Variants in RBFOX1 observed in about 807,000 individuals in gnomAD.
RBFOX1 encodes RNA binding fox-1 homolog 1.
Under a neutral mutation model 57.7 loss-of-function variants are expected in RBFOX1, and 8 were observed. That is an observed-to-expected ratio of 0.14 (90% CI 0.08 to 0.25). The LOEUF is 0.25. Ranked by LOEUF, RBFOX1 falls within the 10% of genes least tolerant of loss-of-function variation. The pLI, the probability that RBFOX1 is intolerant of heterozygous loss-of-function variation, is 1.00. For synonymous variants in RBFOX1, 326 were observed against 222.4 expected (o/e 1.47, Z -4.15); for missense variants, 611 against 548.5 (o/e 1.11, Z -1.14).
intron 5 of RBFOX1, among the ~76,000 whole-genome samples, chr16:7,568,162 A>C (rs2092330588): frequency 6.6e-6 from 1 of 152,164 alleles, no homozygotes; most frequent in Non-Finnish European, 1.5e-5. Context: ...AGTAAAAATA[A>C]GTTTATTAGA....
At chr16:5,755,382 T>C (rs551731664) in intron 3 of RBFOX1, among the ~76,000 whole-genome samples, 5 of 152,150 alleles carry the variant, frequency 3.3e-5, no homozygotes, top group African/African-American at 1.2e-4. Flanking sequence ...GAGGGACAGA[T>C]TGGGTGAGGC....
intron 3 of RBFOX1, among the ~76,000 whole-genome samples, chr16:6,770,844 G>C (rs6500822): frequency 0.13 from 19,315 of 152,094 alleles, 2,685 homozygotes; most frequent in African/African-American, 0.34. Context: ...TTTCTAAATA[G>C]TAGGGCTGAA....
intron 2 of RBFOX1, among the ~76,000 whole-genome samples, chr16:6,341,151 C>G (rs1434757276): frequency 1.3e-5 from 2 of 152,186 alleles, no homozygotes; most frequent in East Asian, 1.9e-4. Flanking sequence ...TAACATGGGT[C>G]TTACTGAGCT....
chr16:6,604,773 A>G (rs1486264227), intron 2 of RBFOX1, among the ~76,000 whole-genome samples: 1 of 152,140 alleles, frequency 6.6e-6, no homozygotes, highest in Non-Finnish European at 1.5e-5. Flanking sequence ...AAGATTCTAT[A>G]ATTCTTTCTT....
chr16:5,472,244 C>A (rs2069162621), intron 2 of RBFOX1, among the ~76,000 whole-genome samples: 5 of 152,152 alleles, frequency 3.3e-5, no homozygotes, highest in Admixed American at 3.3e-4. Flanking sequence ...GAGCTTCCAC[C>A]CACGAGGCAT....
intron 3 of RBFOX1, among the ~76,000 whole-genome samples, chr16:6,858,177 C>G (rs1327490088): frequency 1.3e-5 from 2 of 152,182 alleles, no homozygotes; most frequent in Non-Finnish European, 2.9e-5. Context: ...AGAAATAGCT[C>G]ACTCATAAGT....
Position 6,373,448 on chromosome 16 carries a change from G to C in RBFOX1, c.-64+56391G>C, listed in dbSNP as rs186133169. ...TGGGTGGAAGTATAACTGGATGGGAGGATGGTTGGTTAGGATCTTTGGGTA... is the reference window on the plus strand; with the variant it reads ...TGGGTGGAAGTATAACTGGATGGGACGATGGTTGGTTAGGATCTTTGGGTA... On this transcript the variant is annotated intron_variant, in intron 2 of 15. Coordinates refer to ENST00000550418, the MANE Select transcript of RBFOX1 (RefSeq NM_018723.4). Among the ~76,000 whole-genome samples the C allele has an allele frequency of 2.8e-4, 42 of 152,128 alleles. No individual in the cohort carries two copies. In the East Asian group the frequency reaches 7.2e-3, roughly 26 times the overall value.
intron 3 of RBFOX1, among the ~76,000 whole-genome samples, chr16:6,667,805 C>A (rs895650399): frequency 6.6e-6 from 1 of 151,994 alleles, no homozygotes; most frequent in South Asian, 2.1e-4. Context: ...AGAAGGATCT[C>A]TGGAGCCCAG....
At chr16:6,205,364 A>C (rs1035399019) in intron 1 of RBFOX1, among the ~76,000 whole-genome samples, 1 of 152,224 alleles carries the variant, frequency 6.6e-6, no homozygotes, top group Non-Finnish European at 1.5e-5. Flanking sequence ...ATCAAAGCTG[A>C]TAAGTCACCT....
chr16:6,968,948 G>C (rs938199504), intron 3 of RBFOX1, among the ~76,000 whole-genome samples: 14 of 151,948 alleles, frequency 9.2e-5, no homozygotes, highest in African/African-American at 2.2e-4. Context: ...ACAGTGACCA[G>C]ATTAGTGGGT....
intron 4 of RBFOX1, among the ~76,000 whole-genome samples, chr16:7,174,626 C>G (rs2081306525): frequency 1.3e-5 from 2 of 151,984 alleles, no homozygotes; most frequent in South Asian, 4.2e-4. Flanking sequence ...ACTAAAAATA[C>G]AAAATTAGCC....
At chr16:5,890,598 G>A (rs1031523344) in intron 4 of RBFOX1, among the ~76,000 whole-genome samples, 3 of 149,224 alleles carry the variant, frequency 2.0e-5, no homozygotes, top group Non-Finnish European at 4.4e-5. Flanking sequence ...TCCAGAGGCT[G>A]AAGCAGGAGA....
intron 1 of RBFOX1, among the ~76,000 whole-genome samples, chr16:6,163,247 A>C (rs1417646739): frequency 6.6e-6 from 1 of 152,146 alleles, no homozygotes; most frequent in African/African-American, 2.4e-5. Flanking sequence ...ATACAAATAG[A>C]GTGTTTCATA....
chr16:5,414,708 T>C (rs2067115654), intron 1 of RBFOX1, among the ~76,000 whole-genome samples: 1 of 152,142 alleles, frequency 6.6e-6, no homozygotes, highest in African/African-American at 2.4e-5. Context: ...CAAAATGACC[T>C]CTGGCCACTA....
At chr16:7,591,890 C>A (rs1347496955) in intron 7 of RBFOX1, among the ~76,000 whole-genome samples, 1 of 152,170 alleles carries the variant, frequency 6.6e-6, no homozygotes, top group Admixed American at 6.5e-5. Flanking sequence ...TCAGAAAAAA[C>A]AACCTTAGCA....
chr16:7,671,097 CAAGTA>C (rs1297621022), intron 13 of RBFOX1, among the ~76,000 whole-genome samples: 37 of 152,132 alleles, frequency 2.4e-4, no homozygotes, highest in African/African-American at 8.7e-4. Flanking sequence ...ATTAATTTAA[CAAGTA>C]AAGGCATTTA....
intron 4 of RBFOX1, among the ~76,000 whole-genome samples, chr16:5,998,508 T>G (rs1480890089): frequency 2.6e-5 from 4 of 152,180 alleles, no homozygotes; most frequent in African/African-American, 9.7e-5. Flanking sequence ...TAGGGTGTTT[T>G]CAACAAGATG....
chr16:7,172,273 C>CA (rs1489365630), intron 4 of RBFOX1, among the ~76,000 whole-genome samples: 4 of 152,060 alleles, frequency 2.6e-5, no homozygotes, highest in South Asian at 2.1e-4. Flanking sequence ...CAAACCCCAT[C>CA]AAAAAAACCA....
At chr16:6,228,109 G>A (rs1244802891) in intron 1 of RBFOX1, among the ~76,000 whole-genome samples, 2 of 152,052 alleles carry the variant, frequency 1.3e-5, no homozygotes, top group East Asian at 1.9e-4. Context: ...TCAGGAGTTC[G>A]AGACCAGCCT....
Sources: allele counts gnomAD v4.1 joint callset (sites outside exome capture counted in the v4.1 genomes callset), GRCh38; gene constraint gnomAD v4.1.1; transcripts MANE v1.5; gene names NCBI Gene and HGNC (gene_info 2026-07-23, HGNC 2026-07-21).